IL1RAPL1: variants seen among roughly 807,000 people sequenced by gnomAD.
IL1RAPL1 encodes the protein interleukin-1 receptor accessory protein-like 1.
In IL1RAPL1, 3 loss-of-function variants were observed where a neutral mutation model predicts 48.4. The observed-to-expected ratio is 0.06, with a 90% CI of 0.03 to 0.16. The LOEUF is 0.16. Among genes scored for constraint, IL1RAPL1 ranks in the 10% least tolerant of loss-of-function variants. IL1RAPL1 has a pLI of 1.00. For synonymous variants in IL1RAPL1, 185 were observed against 187.7 expected (o/e 0.99, Z 0.12); for missense variants, 349 against 530.6 (o/e 0.66, Z 3.36).
At chrX:29,582,371 T>C (rs1288897222) in intron 5 of IL1RAPL1, among the ~76,000 whole-genome samples, 1 of 106,477 alleles carries the variant, frequency 9.4e-6, no homozygotes, top group African/African-American at 3.6e-5. Flanking sequence ...ATTTTTTTAT[T>C]TTTTTATTTT....
At chrX:28,737,205 C>CCCTT (rs1382980822) in intron 1 of IL1RAPL1, among the ~76,000 whole-genome samples, 7 of 50,277 alleles carry the variant, frequency 1.4e-4, no homozygotes, top group East Asian at 6.8e-4. Flanking sequence ...TTCTTTCTTT[C>CCCTT]TCTTTCTTTC....
chrX:29,673,527 A>T (rs1488285205), intron 6 of IL1RAPL1, among the ~76,000 whole-genome samples: 1 of 111,493 alleles, frequency 9.0e-6, no homozygotes, highest in Non-Finnish European at 1.9e-5. Flanking sequence ...AAATTAAAAA[A>T]CCGTAAAACT....
intron 2 of IL1RAPL1, among the ~76,000 whole-genome samples, chrX:29,171,336 C>G (rs752020582): frequency 3.4e-4 from 38 of 111,550 alleles, no homozygotes; most frequent in Non-Finnish European, 6.6e-4. Flanking sequence ...GGCACAGACA[C>G]CAGAATTAAA....
intron 2 of IL1RAPL1, among the ~76,000 whole-genome samples, chrX:28,952,739 T>C (rs1305351308): frequency 9.0e-6 from 1 of 111,425 alleles, no homozygotes; most frequent in African/African-American, 3.2e-5. Flanking sequence ...TATGGAAATA[T>C]GTAGTGTTTA....
chrX:29,424,984 C>T (rs1347168070), intron 5 of IL1RAPL1, among the ~76,000 whole-genome samples: 2 of 111,822 alleles, frequency 1.8e-5, no homozygotes, highest in Non-Finnish European at 3.8e-5. Flanking sequence ...ATTTTACAGA[C>T]AAAGAATCTG....
rs1186529923 is a variant in IL1RAPL1, at chrX:28,823,255, A to G, written c.82+33830A>G. Reference sequence around the variant, plus strand: ...TGAATAAAGGTGGTGACAAAAATGTACCAGATCTTGACGGTAACTTATGTG... The same window carrying G: ...TGAATAAAGGTGGTGACAAAAATGTGCCAGATCTTGACGGTAACTTATGTG... On this transcript the variant is annotated intron_variant, in intron 2 of 10. Coordinates refer to ENST00000378993, the MANE Select transcript of IL1RAPL1 (RefSeq NM_014271.4). Among the ~76,000 whole-genome samples, 5 of 111,609 alleles carry G rather than the reference A, an allele frequency of 4.5e-5. No individual in the cohort carries two copies. In the Admixed American group the frequency reaches 4.8e-4, roughly 11 times the overall value.
chrX:29,146,027 A>T, intron 2 of IL1RAPL1, among the ~76,000 whole-genome samples: 1 of 111,788 alleles, frequency 8.9e-6, no homozygotes, highest in East Asian at 2.8e-4. Flanking sequence ...GTTAAAACAG[A>T]GATTAGTATG....
At chrX:29,235,029 C>G in intron 2 of IL1RAPL1, among the ~76,000 whole-genome samples, 1 of 111,838 alleles carries the variant, frequency 8.9e-6, no homozygotes, top group East Asian at 2.8e-4. Flanking sequence ...TGCATGGATA[C>G]TTTTAAAGTG....
chrX:29,651,726 A>G (rs746249909), intron 5 of IL1RAPL1, among the ~76,000 whole-genome samples: 28 of 111,798 alleles, frequency 2.5e-4, no homozygotes, highest in African/African-American at 8.4e-4. Flanking sequence ...ACTATCATTG[A>G]TGACAGTACA....
intron 6 of IL1RAPL1, among the ~76,000 whole-genome samples, chrX:29,702,870 C>G (rs769428935): frequency 1.8e-5 from 2 of 112,295 alleles, no homozygotes; most frequent in South Asian, 7.3e-4. Flanking sequence ...ATATACAGAG[C>G]ACATGAATAA....
At chrX:29,651,957 A>G (rs1450541840) in intron 5 of IL1RAPL1, among the ~76,000 whole-genome samples, 1 of 111,954 alleles carries the variant, frequency 8.9e-6, no homozygotes, top group East Asian at 2.8e-4. Context: ...AAGAGTATTA[A>G]TAGTCATTTT....
intron 2 of IL1RAPL1, among the ~76,000 whole-genome samples, chrX:29,158,944 CTCCCTCTCCCTCTCTCTCT>C (rs1929626839): frequency 3.3e-5 from 2 of 61,058 alleles, no homozygotes; most frequent in African/African-American, 1.4e-4. Context: ...CCCCCCCTCC[CTCCCTCTCCCTCTCTCTCT>C]CTCTCTCTCT....
At chrX:29,058,303 G>C (rs959735989) in intron 2 of IL1RAPL1, among the ~76,000 whole-genome samples, 1 of 110,572 alleles carries the variant, frequency 9.0e-6, no homozygotes, top group African/African-American at 3.3e-5. Flanking sequence ...CTTGAACCCG[G>C]GAGGCGGAGG....
At chrX:29,353,831 GTT>G (rs199572427) in intron 3 of IL1RAPL1, among the ~76,000 whole-genome samples, 211 of 92,349 alleles carry the variant, frequency 2.3e-3, no homozygotes, top group Middle Eastern at 0.011. Flanking sequence ...TTTTTCCAGT[GTT>G]TTTTTTTTTT....
intron 2 of IL1RAPL1, among the ~76,000 whole-genome samples, chrX:29,251,312 A>G (rs1341026380): frequency 2.7e-5 from 3 of 110,745 alleles, no homozygotes; most frequent in Non-Finnish European, 5.7e-5. Flanking sequence ...GCACTGTTCT[A>G]GGGACCACTA....
chrX:29,795,279 G>A (rs888068226), intron 6 of IL1RAPL1, among the ~76,000 whole-genome samples: 2 of 111,802 alleles, frequency 1.8e-5, no homozygotes, highest in Admixed American at 9.5e-5. Context: ...TGTAGGAGTA[G>A]AAATCACAGA....
chrX:28,699,281 G>A (rs1414739173), intron 1 of IL1RAPL1, among the ~76,000 whole-genome samples: 1 of 111,696 alleles, frequency 9.0e-6, no homozygotes, highest in Non-Finnish European at 1.9e-5. Context: ...TGTTTTTCTG[G>A]TTGTGTAAAA....
intron 3 of IL1RAPL1, among the ~76,000 whole-genome samples, chrX:29,375,699 GC>G (rs1246004522): frequency 8.9e-6 from 1 of 111,932 alleles, no homozygotes; most frequent in Non-Finnish European, 1.9e-5. Context: ...CACATTGTTA[GC>G]CTACAAACTA....
At position 28,997,003 on chromosome X, in the gene IL1RAPL1, C is replaced by T. The variant is rs7886948; in HGVS notation, c.82+207578C>T. On this transcript the variant is annotated intron_variant, in intron 2 of 10. Coordinates refer to ENST00000378993, the MANE Select transcript of IL1RAPL1 (RefSeq NM_014271.4). ...TGTATTACATGAAAAACTCAACCAC[C>T]CCATGGTTTCAGTTTAAATGTATTT... Among the ~76,000 whole-genome samples, 534 of 111,195 alleles carry T rather than the reference C, an allele frequency of 4.8e-3. 2 individuals carry two copies. The highest frequency in any genetic ancestry group is 0.016 in the African/African-American group (504 of 30,645).
Sources: allele counts gnomAD v4.1 joint callset (sites outside exome capture counted in the v4.1 genomes callset), GRCh38; gene constraint gnomAD v4.1.1; transcripts MANE v1.5; gene names NCBI Gene and HGNC (gene_info 2026-07-23, HGNC 2026-07-21).